The following MEGF11 variants were observed in gnomAD, a reference collection of about 807,000 sequenced individuals.
The protein encoded by MEGF11 is multiple EGF like domains 11.
A neutral mutation model predicts 146.6 loss-of-function variants in MEGF11; 126 were observed. That is an observed-to-expected ratio of 0.86 (90% confidence interval 0.74 to 1.00). MEGF11 has a LOEUF of 1.00. Ranked by LOEUF, MEGF11 falls within the 50% of genes least tolerant of loss-of-function variation. MEGF11 has a pLI of 0.00. For missense variants in MEGF11, 1,509 were observed against 1,521.2 expected (o/e 0.99, Z 0.13); for synonymous variants, 532 against 583.4 (o/e 0.91, Z 1.27).
chr15:66,234,195 G>T (rs532666836), intron 1 of MEGF11, among the ~76,000 whole-genome samples: 9 of 152,130 alleles, frequency 5.9e-5, no homozygotes, highest in African/African-American at 2.2e-4. Context: ...CACTGCACCC[G>T]GCCAGACATT....
At position 65,895,546 on chromosome 15, in the gene MEGF11, G is replaced by A. The variant is rs1299244335; in HGVS notation, c.*2388C>T. On this transcript the variant is annotated 3_prime_UTR_variant, in exon 26 of 26. Coordinates refer to ENST00000395614, the MANE Select transcript of MEGF11 (RefSeq NM_001385028.1). ...TAAAATGCACAGTATACATGTTTAG[G>A]CTGACCATGAACCTATTTGTGATGG... 1 of 152,510 alleles carries A rather than the reference G, an allele frequency of 6.6e-6. No homozygotes were observed. The highest frequency in any genetic ancestry group is 6.5e-5 in the Admixed American group (1 of 15,268). 9.4% of individuals were successfully genotyped at this position (152,510 alleles called of 1,614,324 possible). A position where few individuals can be genotyped will look rare whatever the true frequency, so the allele number is the denominator to read the frequency against.
chr15:65,918,195 C>A, intron 15 of MEGF11, 101 bp from the exon 16 acceptor site: 1 of 1,538,728 alleles, frequency 6.5e-7, no homozygotes. Context: ...CAGCCATGAT[C>A]ACCCAGGGGT....
In MEGF11 at chr15:65,909,053, G is replaced by A. The variant is rs1235240511; in HGVS notation, c.2979C>T (p.Pro993=). ...TCTGACCTGGTGAGTGTGGCTCAGC[G>A]GGGCGGCTGAGGTGTCTAAGTTCAA... is the stretch of plus-strand genomic sequence containing the variant. The part of the protein sequence containing the change: ...FYIELRHLSR[P]AEPHSPGACG... Residue 993 remains proline (P), a synonymous_variant, in exon 23 of 26, where the codon CCC becomes CCT. Coordinates refer to ENST00000395614, the MANE Select transcript of MEGF11 (RefSeq NM_001385028.1). 7.2e-6 allele frequency: 11 copies of A among 1,535,064 alleles called. No homozygotes were observed. The highest frequency in any genetic ancestry group is 5.9e-5 in the South Asian group (5 of 84,052).
At chr15:66,127,026 G>A (rs1274260993) in intron 2 of MEGF11, among the ~76,000 whole-genome samples, 1 of 152,162 alleles carries the variant, frequency 6.6e-6, no homozygotes, top group Non-Finnish European at 1.5e-5. Context: ...AGTAACTGAC[G>A]CTTATGGCCC....
At chr15:65,985,440 A>G (rs2081821445) in intron 5 of MEGF11, among the ~76,000 whole-genome samples, 1 of 151,992 alleles carries the variant, frequency 6.6e-6, no homozygotes, top group Admixed American at 6.6e-5. Context: ...ATCCAGCACA[A>G]GGAATTTCCT....
intron 9 of MEGF11, among the ~76,000 whole-genome samples, chr15:65,960,421 C>T (rs546365075): frequency 2.6e-5 from 4 of 152,352 alleles, no homozygotes; most frequent in South Asian, 2.1e-4. Flanking sequence ...GGGGAGACAG[C>T]GACCTGCGTG....
chr15:66,015,819 C>G (rs534992994), intron 5 of MEGF11, among the ~76,000 whole-genome samples: 1 of 148,796 alleles, frequency 6.7e-6, no homozygotes, highest in Admixed American at 6.9e-5. Flanking sequence ...CCTGAGAGGA[C>G]GATGAGAAGA....
chr15:65,911,687 A>G (rs1256571970), intron 21 of MEGF11, among the ~76,000 whole-genome samples: 1 of 152,238 alleles, frequency 6.6e-6, no homozygotes, highest in Non-Finnish European at 1.5e-5. Flanking sequence ...CTGGGATTAC[A>G]GGCGTGAGCC....
intron 5 of MEGF11, among the ~76,000 whole-genome samples, chr15:66,064,292 C>T: frequency 6.6e-6 from 1 of 151,928 alleles, no homozygotes; most frequent in East Asian, 1.9e-4. Flanking sequence ...TCACTTGAAC[C>T]CAGGAGGTGG....
chr15:66,028,499 G>A (rs2083412482), intron 5 of MEGF11, among the ~76,000 whole-genome samples: 1 of 152,100 alleles, frequency 6.6e-6, no homozygotes, highest in South Asian at 2.1e-4. Flanking sequence ...TATATCAAGG[G>A]TCATAAAATG....
chr15:65,903,371 T>C (rs2078541646), intron 24 of MEGF11, among the ~76,000 whole-genome samples: 1 of 152,042 alleles, frequency 6.6e-6, no homozygotes, highest in Non-Finnish European at 1.5e-5. Flanking sequence ...GAAGGGGAAA[T>C]AGAAGGGTGT....
At chr15:65,944,573 C>T (rs187697994) in intron 10 of MEGF11, among the ~76,000 whole-genome samples, 2 of 152,172 alleles carry the variant, frequency 1.3e-5, no homozygotes, top group East Asian at 1.9e-4. Flanking sequence ...TGGCCTTGAG[C>T]GACAGGCATG....
At chr15:66,207,991 A>T (rs946553644) in intron 1 of MEGF11, among the ~76,000 whole-genome samples, 2 of 152,082 alleles carry the variant, frequency 1.3e-5, no homozygotes, top group Non-Finnish European at 2.9e-5. Context: ...AGGCTGAGGC[A>T]GAAGAATTGC....
At chr15:66,051,968 G>A (rs1428721676) in intron 5 of MEGF11, among the ~76,000 whole-genome samples, 3 of 152,164 alleles carry the variant, frequency 2.0e-5, no homozygotes, top group Non-Finnish European at 2.9e-5. Context: ...CCATTATGGC[G>A]GCCATAACTC....
chr15:66,217,208 GA>G (rs1413645613), intron 1 of MEGF11, among the ~76,000 whole-genome samples: 1 of 152,232 alleles, frequency 6.6e-6, no homozygotes, highest in Non-Finnish European at 1.5e-5. Context: ...GCTATCCACA[GA>G]AGGCACCTCA....
At chr15:65,901,315 G>A (rs527330743) in intron 24 of MEGF11, among the ~76,000 whole-genome samples, 1 of 151,844 alleles carries the variant, frequency 6.6e-6, no homozygotes, top group South Asian at 2.1e-4. Flanking sequence ...TATTGCACCT[G>A]CCTCAACTGC....
At chr15:66,233,398 G>A (rs1295121049) in intron 1 of MEGF11, among the ~76,000 whole-genome samples, 4 of 152,004 alleles carry the variant, frequency 2.6e-5, no homozygotes, top group Non-Finnish European at 4.4e-5. Context: ...ACCACACCAG[G>A]CTAATTTTTG....
At chr15:66,006,031 C>T (rs768201677) in intron 5 of MEGF11, among the ~76,000 whole-genome samples, 7 of 152,306 alleles carry the variant, frequency 4.6e-5, no homozygotes, top group East Asian at 1.9e-4. Context: ...TAACCAGAGG[C>T]GCTGTACGAT....
intron 5 of MEGF11, among the ~76,000 whole-genome samples, chr15:66,048,509 T>C (rs930554348): frequency 6.6e-6 from 1 of 152,236 alleles, no homozygotes; most frequent in African/African-American, 2.4e-5. Context: ...GCAAGTCTGC[T>C]TCTGAACCCA....
Sources: gnomAD v4.1 joint callset for allele counts (sites outside exome capture counted in the v4.1 genomes callset) on GRCh38, gnomAD v4.1.1 for gene constraint, MANE v1.5 for transcripts, NCBI Gene and HGNC (gene_info 2026-07-23, HGNC 2026-07-21) for gene names.